Variants in VTI1A observed in about 807,000 individuals in gnomAD.
VTI1A encodes the protein vesicle transport through interaction with t-SNAREs 1A.
In VTI1A, 22 loss-of-function variants were observed where a neutral mutation model predicts 34.9. The observed-to-expected ratio is 0.63, with a 90% CI of 0.45 to 0.90. The LOEUF (loss-of-function observed/expected upper bound fraction) is 0.90, where lower values mean the gene tolerates loss of function less well. VTI1A is among the 40% of genes least tolerant of loss of function. The pLI, the probability that VTI1A is intolerant of heterozygous loss-of-function variation, is 0.00. For missense variants in VTI1A, 268 were observed against 275.6 expected, an observed-to-expected ratio of 0.97 and a Z score of 0.20; for synonymous variants, 87 against 97.3, an observed-to-expected ratio of 0.89 and a Z score of 0.62.
chr10:112,490,431 A>C (rs958040123), intron 3 of VTI1A, among the ~76,000 whole-genome samples: 1 of 152,190 alleles, frequency 6.6e-6, no homozygotes, highest in Non-Finnish European at 1.5e-5. Context: ...TTTACTAAAG[A>C]GTTTTTCAGC....
intron 1 of VTI1A, among the ~76,000 whole-genome samples, chr10:112,452,548 C>T (rs1847276945): frequency 7.4e-6 from 1 of 135,248 alleles, no homozygotes; most frequent in African/African-American, 2.9e-5. Context: ...AGCCTAGTGA[C>T]ACAGTGAGAC....
At chr10:112,455,151 T>TC (rs1847391747) in intron 1 of VTI1A, among the ~76,000 whole-genome samples, 1 of 72,656 alleles carries the variant, frequency 1.4e-5, no homozygotes, top group Non-Finnish European at 2.7e-5. Flanking sequence ...TTCAGTTCCC[T>TC]CCCCTTCCCT....
In VTI1A at chr10:112,737,485, C is replaced by T. The variant is rs1348988847; in HGVS notation, c.560+68487C>T. On this transcript the variant is annotated intron_variant, in intron 7 of 7. Coordinates refer to ENST00000393077, the MANE Select transcript of VTI1A (RefSeq NM_145206.4). ...GGCTGAATTTTTAAAGTCTCTTCCG[C>T]ATCTTCTGTTCCCTGGGATGCCTTA... 4.8e-6 allele frequency: 5 copies of T among 1,050,184 alleles called. No homozygotes were observed. In the East Asian group the frequency reaches 1.6e-4, roughly 34 times the overall value. 65.1% of individuals were successfully genotyped at this position (1,050,184 alleles called of 1,614,324 possible).
At chr10:112,643,585 CT>C (rs1021130041) in intron 5 of VTI1A, among the ~76,000 whole-genome samples, 2 of 151,964 alleles carry the variant, frequency 1.3e-5, no homozygotes, top group Non-Finnish European at 2.9e-5. Flanking sequence ...AAAAATTATC[CT>C]TTTTTTGCTA....
At chr10:112,598,198 C>T (rs543144107) in intron 5 of VTI1A, among the ~76,000 whole-genome samples, 14 of 152,314 alleles carry the variant, frequency 9.2e-5, no homozygotes, top group African/African-American at 3.4e-4. Context: ...AGTTTTCTTG[C>T]AGTAAACTCT....
intron 5 of VTI1A, among the ~76,000 whole-genome samples, chr10:112,611,555 T>G (rs998157434): frequency 6.6e-6 from 1 of 152,140 alleles, no homozygotes; most frequent in Non-Finnish European, 1.5e-5. Flanking sequence ...GTTGAGTTCC[T>G]TAGAGGTCAT....
chr10:112,504,504 T>C (rs1849357345), intron 3 of VTI1A, among the ~76,000 whole-genome samples: 1 of 152,232 alleles, frequency 6.6e-6, no homozygotes, highest in African/African-American at 2.4e-5. Flanking sequence ...TTTTATTCTT[T>C]TTTTTTTATA....
At chr10:112,662,247 C>T (rs528071503) in intron 5 of VTI1A, among the ~76,000 whole-genome samples, 1 of 152,092 alleles carries the variant, frequency 6.6e-6, no homozygotes, top group Non-Finnish European at 1.5e-5. Flanking sequence ...TTTATTCATA[C>T]CGTTTTTTTG....
At chr10:112,456,553 A>C (rs1157986420) in intron 1 of VTI1A, among the ~76,000 whole-genome samples, 1 of 152,088 alleles carries the variant, frequency 6.6e-6, no homozygotes, top group Non-Finnish European at 1.5e-5. Flanking sequence ...GCCTAGAAGG[A>C]TAGGTGGGGT....
At chr10:112,612,896 A>G (rs1184943217) in intron 5 of VTI1A, among the ~76,000 whole-genome samples, 2 of 150,760 alleles carry the variant, frequency 1.3e-5, no homozygotes, top group East Asian at 3.9e-4. Flanking sequence ...GCCTGTTTGG[A>G]CACCTAGTCA....
intron 7 of VTI1A, among the ~76,000 whole-genome samples, chr10:112,701,154 C>T (rs1330667503): frequency 6.6e-6 from 1 of 152,216 alleles, no homozygotes; most frequent in Non-Finnish European, 1.5e-5. Flanking sequence ...ATGTTAATAA[C>T]TCCAGCTATT....
At chr10:112,762,316 CA>C (rs1423830550) in intron 7 of VTI1A, among the ~76,000 whole-genome samples, 4 of 152,124 alleles carry the variant, frequency 2.6e-5, no homozygotes, top group Non-Finnish European at 4.4e-5. Context: ...AAAGTGAAAT[CA>C]GGGGTGAAGT....
chr10:112,712,138 T>C (rs1849438960), intron 7 of VTI1A, among the ~76,000 whole-genome samples: 1 of 152,152 alleles, frequency 6.6e-6, no homozygotes, highest in Non-Finnish European at 1.5e-5. Context: ...TATATGCTGT[T>C]CCATCCTCTT....
chr10:112,854,290 T>C, the VTI1A span, among the ~76,000 whole-genome samples: 4 of 152,146 alleles, frequency 2.6e-5, no homozygotes, highest in Non-Finnish European at 4.4e-5. Flanking sequence ...GGGAACTAAG[T>C]CCATTAGCCC....
intron 5 of VTI1A, among the ~76,000 whole-genome samples, chr10:112,650,452 A>G (rs1260828701): frequency 1.4e-5 from 1 of 71,088 alleles, no homozygotes; most frequent in East Asian, 5.4e-4. Flanking sequence ...AGGCTGTTCT[A>G]CTCTTCACAT....
At chr10:112,691,049 T>C (rs2133879704) in intron 7 of VTI1A, among the ~76,000 whole-genome samples, 2 of 152,138 alleles carry the variant, frequency 1.3e-5, no homozygotes, top group South Asian at 4.2e-4. Context: ...AGGCGGATCA[T>C]TTGAGGCCAG....
intron 5 of VTI1A, among the ~76,000 whole-genome samples, chr10:112,642,977 C>CTTTTTTTTTTTTTTTTTTTTTTTTT (rs58619611): frequency 1.7e-5 from 2 of 121,014 alleles, no homozygotes; most frequent in Non-Finnish European, 3.3e-5. Flanking sequence ...TTTTTCTTTT[C>CTTTTTTTTTTTTTTTTTTTTTTTTT]TTTTTTTTTT....
chr10:112,485,884 T>C (rs972167902), intron 3 of VTI1A, among the ~76,000 whole-genome samples: 5 of 152,256 alleles, frequency 3.3e-5, no homozygotes, highest in Admixed American at 6.5e-5. Flanking sequence ...AGAACTTTTT[T>C]CTGTGGTGCT....
chr10:112,615,236 CTG>C (rs1316008861), intron 5 of VTI1A, among the ~76,000 whole-genome samples: 2 of 152,166 alleles, frequency 1.3e-5, no homozygotes, highest in Admixed American at 6.5e-5. Context: ...CAAGAATAAA[CTG>C]TCACAGTAGT....
Sources: allele counts gnomAD v4.1 joint callset (sites outside exome capture counted in the v4.1 genomes callset), GRCh38; gene constraint gnomAD v4.1.1; transcripts MANE v1.5; gene names NCBI Gene and HGNC (gene_info 2026-07-23, HGNC 2026-07-21).